ACOT12: variants seen among roughly 807,000 people sequenced by gnomAD.
ACOT12 encodes the protein acetyl-coenzyme A thioesterase.
Under a neutral mutation model 67.7 loss-of-function variants are expected in ACOT12, and 51 were observed. The observed-to-expected ratio is 0.75, with a 90% CI of 0.60 to 0.95. The LOEUF is 0.95. ACOT12 is among the 40% of genes least tolerant of loss of function. The probability of loss-of-function intolerance (pLI) is 0.00; values close to 1 mark genes in which losing one functional copy is unlikely to be tolerated. For missense variants in ACOT12, 734 were observed against 708.1 expected (o/e 1.04, Z -0.41); for synonymous variants, 251 against 244.6 (o/e 1.03, Z -0.24).
chr5:81,358,853 GA>G lies in ACOT12; in HGVS notation c.496+1049del, dbSNP rs10617260. On this transcript the variant is annotated intron_variant, in intron 5 of 14. Transcript: ENST00000307624. ...AACAAGAGCGAAACTCTGTCTCAAA[GA>G]AAAAAAAAAAAATCAAGTTGGTAAT... Among the ~76,000 whole-genome samples, 1,008 of 142,998 alleles carry G rather than the reference GA, an allele frequency of 7.0e-3. 20 individuals carry two copies. Among genetic ancestry groups the G allele is most frequent in the Admixed American group, 0.036 (512 of 14,304 alleles). 93.8% of individuals were successfully genotyped at this position (142,998 alleles called of 152,430 possible).
At chr5:81,344,340 C>T in intron 8 of ACOT12, 125 bp from the exon 9 acceptor site, 1 of 888,502 alleles carries the variant, frequency 1.1e-6, no homozygotes, top group Non-Finnish European at 1.7e-6. Flanking sequence ...GGTGTCTCTC[C>T]ATGAACTGAC....
chr5:81,322,559 C>T, the ACOT12 span, among the ~76,000 whole-genome samples: 2 of 151,660 alleles, frequency 1.3e-5, no homozygotes, highest in African/African-American at 4.8e-5. Flanking sequence ...AAATAAGGGG[C>T]TTAGGAAAGG....
the ACOT12 span, chr5:81,311,114 G>T: frequency 8.3e-7 from 1 of 1,211,536 alleles, no homozygotes; most frequent in South Asian, 1.2e-5. Flanking sequence ...ACAACTGACA[G>T]GGTTGTGAGG....
the ACOT12 span, among the ~76,000 whole-genome samples, chr5:81,323,061 A>G: frequency 6.2e-5 from 9 of 144,068 alleles, no homozygotes; most frequent in Non-Finnish European, 9.0e-5. Context: ...CTGAGGAAGG[A>G]GCATGCCTGG....
chr5:81,318,959 C>T, the ACOT12 span, among the ~76,000 whole-genome samples: 4 of 152,264 alleles, frequency 2.6e-5, no homozygotes, highest in East Asian at 7.7e-4. Context: ...CCCCCACCTC[C>T]CCAGTGGCTA....
At chr5:81,361,401 A>C (rs1759905175) in intron 4 of ACOT12, among the ~76,000 whole-genome samples, 1 of 151,576 alleles carries the variant, frequency 6.6e-6, no homozygotes, top group Admixed American at 6.6e-5. Context: ...AGGGCTCACT[A>C]TGTTGCCCAG....
chr5:81,385,203 C>A (rs1386983607), intron 2 of ACOT12, among the ~76,000 whole-genome samples: 1 of 152,018 alleles, frequency 6.6e-6, no homozygotes, highest in African/African-American at 2.4e-5. Flanking sequence ...AATCCCAGCA[C>A]CTTGGGAAGC....
chr5:81,381,493 A>G (rs749072278), intron 2 of ACOT12, among the ~76,000 whole-genome samples: 24 of 152,224 alleles, frequency 1.6e-4, no homozygotes, highest in Non-Finnish European at 3.1e-4. Context: ...TATATTTTAT[A>G]TACTATATAT....
the ACOT12 span, among the ~76,000 whole-genome samples, chr5:81,317,946 A>G: frequency 6.7e-6 from 1 of 149,314 alleles, no homozygotes; most frequent in Non-Finnish European, 1.5e-5. Flanking sequence ...GCAGTGGCAC[A>G]ATCTCCGCTC....
chr5:81,355,956 C>A (rs1422228780), intron 5 of ACOT12, among the ~76,000 whole-genome samples: 1 of 152,208 alleles, frequency 6.6e-6, no homozygotes, highest in Non-Finnish European at 1.5e-5. Flanking sequence ...GCTCTAAGAG[C>A]TGCAATGGCC....
chr5:81,324,853 C>T, the ACOT12 span, among the ~76,000 whole-genome samples: 2 of 152,080 alleles, frequency 1.3e-5, no homozygotes, highest in African/African-American at 4.8e-5. Flanking sequence ...ATAGTTGATC[C>T]TGATAATAGA....
intron 2 of ACOT12, among the ~76,000 whole-genome samples, chr5:81,376,385 C>G (rs552058508): frequency 5.3e-5 from 8 of 151,686 alleles, no homozygotes; most frequent in Non-Finnish European, 8.8e-5. Context: ...GAAGAGAAAG[C>G]AGGAAAGATC....
Position 81,332,572 on chromosome 5 carries a change from A to G in ACOT12, c.1296T>C (p.Asp432=), listed in dbSNP as rs2153842560. The change falls in exon 13 of 15, where the codon GAT becomes GAC. Residue 432 remains aspartate, a synonymous_variant. Transcript: ENST00000307624. ...SCEVIDWVSE[D]DQLYHITCPI... ...GACAGGTGATGTGATACAGCTGATC[A>G]TCTTCACTCACCCAGTCTATGACTT... The G allele has an allele frequency of 6.2e-7, 1 of 1,614,124 alleles. No homozygotes were observed. The highest frequency in any genetic ancestry group is 8.5e-7 in the Non-Finnish European group (1 of 1,180,012).
the ACOT12 span, among the ~76,000 whole-genome samples, chr5:81,313,746 TAAGAA>T: frequency 1.2e-4 from 19 of 152,332 alleles, no homozygotes; most frequent in South Asian, 2.1e-4. Context: ...ATTTACCAAA[TAAGAA>T]AAGAAACACT....
At chr5:81,336,006 C>A in intron 11 of ACOT12, 105 bp from the exon 12 acceptor site, 1 of 1,184,110 alleles carries the variant, frequency 8.4e-7, no homozygotes, top group Non-Finnish European at 1.2e-6. Flanking sequence ...CTAACTAAGG[C>A]ATCTTATTTC....
intron 5 of ACOT12, among the ~76,000 whole-genome samples, chr5:81,348,289 T>C (rs1759444881): frequency 6.6e-6 from 1 of 152,200 alleles, no homozygotes; most frequent in Non-Finnish European, 1.5e-5. Context: ...GGGTGATGGA[T>C]ATGTCATTAT....
intron 2 of ACOT12, among the ~76,000 whole-genome samples, chr5:81,375,510 A>G (rs1389910052): frequency 6.6e-6 from 1 of 152,234 alleles, no homozygotes; most frequent in Non-Finnish European, 1.5e-5. Context: ...TTAAATGTAA[A>G]CAGGCTAAAT....
the ACOT12 span, among the ~76,000 whole-genome samples, chr5:81,309,948 T>C: frequency 6.6e-6 from 1 of 152,112 alleles, no homozygotes; most frequent in African/African-American, 2.4e-5. Flanking sequence ...AGTGGTGTCT[T>C]AGAGTTGATG....
intron 11 of ACOT12, 34 bp downstream of exon 11, chr5:81,342,638 C>T (rs755063332): frequency 3.7e-6 from 6 of 1,605,632 alleles, no homozygotes; most frequent in African/African-American, 2.7e-5. Flanking sequence ...TTGTGATGGG[C>T]GATGGATTAT....
Sources: gnomAD v4.1 joint callset for allele counts (sites outside exome capture counted in the v4.1 genomes callset) on GRCh38, gnomAD v4.1.1 for gene constraint, MANE v1.5 for transcripts, NCBI Gene and HGNC (gene_info 2026-07-23, HGNC 2026-07-21) for gene names.